GABRA4: variants seen among roughly 807,000 people sequenced by gnomAD.
GABRA4 encodes gamma-aminobutyric acid type A receptor subunit alpha4, also known as gamma-aminobutyric acid receptor subunit alpha-4.
In GABRA4, 12 loss-of-function variants were observed where a neutral mutation model predicts 49.7. The ratio of observed to expected loss-of-function variants is 0.24; its 90% CI spans 0.15 to 0.39. The LOEUF (loss-of-function observed/expected upper bound fraction) is 0.39, where lower values mean the gene tolerates loss of function less well. GABRA4 is among the 10% of genes least tolerant of loss of function. The pLI, the probability that GABRA4 is intolerant of heterozygous loss-of-function variation, is 1.00. For missense variants in GABRA4, 506 were observed against 686.0 expected (o/e 0.74, Z 2.93); for synonymous variants, 288 against 240.2 (o/e 1.20, Z -1.84).
chr4:46,965,161 A>C lies in GABRA4; in HGVS notation c.943T>G (p.Tyr315Asp), dbSNP rs1184211379. ...ATGAACCAGTCCATGGCGGTAGCAT[A>C]GGACACTTTGGGCAAAGAATGTCGT... ...SARHSLPKVS[Y>D]ATAMDWFIAV... The change falls in exon 8 of 9, where the codon TAT becomes GAT. Residue 315 changes from tyrosine (Y) to aspartate (D), a missense_variant. Physicochemically the swap from Tyr to Asp is radical, Grantham distance 160 (BLOSUM62 -3). This residue lies in a region of GABRA4 where 33 missense variants were observed against 102.5 expected (regional missense o/e 0.32). Coordinates refer to ENST00000264318, the MANE Select transcript of GABRA4 (RefSeq NM_000809.4). 6.2e-7 allele frequency: 1 copy of C among 1,610,482 alleles called. No individual in the cohort carries two copies. The highest frequency in any genetic ancestry group is 1.3e-5 in the African/African-American group (1 of 74,742).
intron 2 of GABRA4, among the ~76,000 whole-genome samples, chr4:46,985,986 CAA>C (rs1370278292): frequency 6.6e-6 from 1 of 151,766 alleles, no homozygotes. Flanking sequence ...AAAAGAAAGG[CAA>C]ACTTTTCTCT....
chr4:46,971,044 A>G, intron 7 of GABRA4, 39 bp downstream of exon 7: 1 of 1,575,966 alleles, frequency 6.3e-7, no homozygotes, highest in Non-Finnish European at 8.7e-7. Flanking sequence ...AATAAAATGT[A>G]ATGTGAACAA....
intron 8 of GABRA4, among the ~76,000 whole-genome samples, chr4:46,956,373 A>C (rs1560471432): frequency 6.6e-6 from 1 of 152,250 alleles, no homozygotes; most frequent in East Asian, 1.9e-4. Context: ...ATGTTAGCTT[A>C]AACTATTTAA....
chr4:46,985,294 T>TGGACGGAGAAGACAGGAAGATA (rs1723492364), intron 2 of GABRA4, among the ~76,000 whole-genome samples: 1 of 152,006 alleles, frequency 6.6e-6, no homozygotes, highest in Non-Finnish European at 1.5e-5. Flanking sequence ...ATGGTTATTT[T>TGGACGGAGAAGACAGGAAGATA]GGACGGAGAA....
At position 46,923,113 on chromosome 4, in the gene GABRA4, G is replaced by A. The variant is rs1485598134; in HGVS notation, c.*5112C>T. 1 of 151,992 alleles carries A rather than the reference G, an allele frequency of 6.6e-6. No homozygotes were observed. The highest frequency in any genetic ancestry group is 6.6e-5 in the Admixed American group (1 of 15,228). The allele number at this position is 151,992 out of a possible 1,614,324, so 9.4% of individuals were successfully genotyped here. ...TCCCCCACCCTCACCCGTGCCTGTTGCCAAAACAGTTGGGGACTATTGTAT... is the reference window on the plus strand; with the variant it reads ...TCCCCCACCCTCACCCGTGCCTGTTACCAAAACAGTTGGGGACTATTGTAT... On this transcript the variant is annotated 3_prime_UTR_variant, in exon 9 of 9. Transcript: ENST00000264318.
chr4:46,946,236 A>T (rs955890936), intron 8 of GABRA4, among the ~76,000 whole-genome samples: 6 of 152,092 alleles, frequency 3.9e-5, no homozygotes, highest in Non-Finnish European at 7.4e-5. Context: ...TACTTCTTTG[A>T]ATTTCATCAA....
At chr4:46,937,548 T>C (rs1721643068) in intron 8 of GABRA4, among the ~76,000 whole-genome samples, 1 of 152,172 alleles carries the variant, frequency 6.6e-6, no homozygotes, top group Non-Finnish European at 1.5e-5. Context: ...ACTTTTCTGG[T>C]AACCCCAAAA....
intron 8 of GABRA4, among the ~76,000 whole-genome samples, chr4:46,939,398 TCA>T (rs1373809602): frequency 1.3e-5 from 2 of 152,034 alleles, no homozygotes; most frequent in Non-Finnish European, 2.9e-5. Flanking sequence ...CAAAGGGTTT[TCA>T]CAAATAACCT....
At chr4:46,931,521 C>T (rs1490979466) in intron 8 of GABRA4, among the ~76,000 whole-genome samples, 1 of 152,074 alleles carries the variant, frequency 6.6e-6, no homozygotes, top group Non-Finnish European at 1.5e-5. Flanking sequence ...AAAAGTGACA[C>T]CAATTCATCA....
At chr4:46,970,597 A>C (rs1474321653) in intron 7 of GABRA4, among the ~76,000 whole-genome samples, 1 of 151,552 alleles carries the variant, frequency 6.6e-6, no homozygotes, top group Admixed American at 6.6e-5. Flanking sequence ...TGAGCTTATA[A>C]ACTAAGCATA....
chr4:46,947,889 C>CA (rs1448668240), intron 8 of GABRA4, among the ~76,000 whole-genome samples: 5 of 152,016 alleles, frequency 3.3e-5, no homozygotes, highest in Non-Finnish European at 1.5e-5. Flanking sequence ...CTCAGGTAAG[C>CA]AGCATTCACT....
intron 6 of GABRA4, among the ~76,000 whole-genome samples, chr4:46,972,867 C>T (rs1334751629): frequency 6.6e-6 from 1 of 151,002 alleles, no homozygotes; most frequent in Non-Finnish European, 1.5e-5. Context: ...TTTCTTAAAA[C>T]AAAAACAAAA....
Position 46,958,327 on chromosome 4 carries a change from CATT to C in GABRA4, c.1134+6640_1134+6642del, listed in dbSNP as rs1004672120. On this transcript the variant is annotated intron_variant, in intron 8 of 8. Transcript: ENST00000264318. ...CTGACATAACTAATGTTAGCCATCTCATTATATCACTGATTTTTTTCATAAGAT... is the reference window on the plus strand; with the variant it reads ...CTGACATAACTAATGTTAGCCATCTCATATCACTGATTTTTTTCATAAGAT... 1.7e-4 allele frequency among the ~76,000 whole-genome samples: 26 copies of C among 151,948 alleles called. No individual in the cohort carries two copies. The Middle Eastern group carries it at 0.014, about 80-fold the overall frequency.
chr4:46,977,194 G>C lies in GABRA4; in HGVS notation c.495-51C>G, dbSNP rs542006648. The C allele has an allele frequency of 8.6e-5, 106 of 1,237,056 alleles. No homozygotes were observed. In the East Asian group the frequency reaches 2.5e-3, roughly 30 times the overall value. 76.6% of individuals were successfully genotyped at this position (1,237,056 alleles called of 1,614,324 possible). ...AAATCAACCCTTTTAAAGAATAATT[G>C]TGACTTTAGATTCTAAAATAGGAAG... On this transcript the variant is annotated intron_variant, in intron 4 of 8. Transcript: ENST00000264318.
chr4:46,933,110 GTACC>G (rs578197268), intron 8 of GABRA4, among the ~76,000 whole-genome samples: 92 of 152,146 alleles, frequency 6.0e-4, no homozygotes, highest in Non-Finnish European at 1.1e-3. Context: ...AACATGAACA[GTACC>G]AAAAAGATTA....
At chr4:46,939,424 C>G (rs1174890471) in intron 8 of GABRA4, among the ~76,000 whole-genome samples, 1 of 151,964 alleles carries the variant, frequency 6.6e-6, no homozygotes, top group Non-Finnish European at 1.5e-5. Flanking sequence ...ATAGTTCCTA[C>G]AACAACCCAT....
chr4:46,950,466 G>A (rs368425575), intron 8 of GABRA4, among the ~76,000 whole-genome samples: 162 of 152,058 alleles, frequency 1.1e-3, no homozygotes, highest in Middle Eastern at 0.01. Flanking sequence ...CGACTAATAA[G>A]GCAATTTTAT....
At chr4:46,931,446 G>A (rs1290454922) in intron 8 of GABRA4, among the ~76,000 whole-genome samples, 3 of 152,026 alleles carry the variant, frequency 2.0e-5, no homozygotes, top group Non-Finnish European at 4.4e-5. Flanking sequence ...TTTCGTTCTA[G>A]ACCAGTATGC....
At chr4:46,954,015 A>G (rs1722259382) in intron 8 of GABRA4, among the ~76,000 whole-genome samples, 1 of 152,088 alleles carries the variant, frequency 6.6e-6, no homozygotes, top group Admixed American at 6.6e-5. Flanking sequence ...CTGTGCCTCA[A>G]TTTTCTCATC....
Sources: allele counts gnomAD v4.1 joint callset (sites outside exome capture counted in the v4.1 genomes callset), GRCh38; gene constraint gnomAD v4.1.1; regional missense constraint gnomAD v4.1.1; transcripts MANE v1.5; gene names NCBI Gene and HGNC (gene_info 2026-07-23, HGNC 2026-07-21).